The following NUP210L variants were observed in gnomAD, a reference collection of about 807,000 sequenced individuals.
The protein encoded by NUP210L is nucleoporin 210 like, also known as nuclear pore membrane glycoprotein 210-like.
NUP210L carries 74 observed loss-of-function variants against 208.5 expected under a neutral mutation model. That is an observed-to-expected ratio of 0.35 (90% CI 0.29 to 0.43). The LOEUF is 0.43. Ranked by LOEUF, NUP210L falls within the 20% of genes least tolerant of loss-of-function variation. The pLI, the probability that NUP210L is intolerant of heterozygous loss-of-function variation, is 1.00. For synonymous variants in NUP210L, 780 were observed against 816.9 expected, an observed-to-expected ratio of 0.95 and a Z score of 0.77; for missense variants, 1,843 against 2,289.4, an observed-to-expected ratio of 0.81 and a Z score of 3.98.
chr1:153,995,212 A>G (rs953208036), intron 37 of NUP210L, 32 bp from the exon 38 acceptor site: 1 of 1,445,958 alleles, frequency 6.9e-7, no homozygotes, highest in South Asian at 1.2e-5. Flanking sequence ...ACAAGATAAT[A>G]GTTAATAGCA....
intron 13 of NUP210L, 60 bp from the exon 14 acceptor site, chr1:154,100,203 A>G: frequency 5.9e-6 from 9 of 1,536,042 alleles, no homozygotes; most frequent in Non-Finnish European, 7.2e-6. Flanking sequence ...TAATCCCAGC[A>G]CTTTGGGAGG....
exon 11 of NUP210L, chr1:154,118,754 T>C (rs1348473191): frequency 6.3e-7 from 1 of 1,594,602 alleles, no homozygotes; most frequent in Non-Finnish European, 8.6e-7. Context: ...GGAAAATAAA[T>C]CTTCACTTCT....
At position 154,085,412 on chromosome 1, in the gene NUP210L, G is replaced by A. The variant is rs1274503843; in HGVS notation, c.2361+4009C>T. 2.0e-5 allele frequency among the ~76,000 whole-genome samples: 3 copies of A among 151,480 alleles called. No individual in the cohort carries two copies. The East Asian group carries it at 5.8e-4, about 29-fold the overall frequency. Reference sequence around the variant, plus strand: ...TTCCAATTATGATAGCATCAAAAAAGCAAAATATTTAGGAATAAATCTAAT... The same window carrying A: ...TTCCAATTATGATAGCATCAAAAAAACAAAATATTTAGGAATAAATCTAAT... On this transcript the variant is annotated intron_variant, in intron 16 of 39. Transcript: ENST00000368559.
intron 25 of NUP210L, among the ~76,000 whole-genome samples, chr1:154,049,883 C>A (rs1653391444): frequency 6.6e-6 from 1 of 152,154 alleles, no homozygotes; most frequent in Non-Finnish European, 1.5e-5. Flanking sequence ...AACCTGAAGC[C>A]TGCTAAGCGT....
chr1:153,998,221 T>C (rs944010412), intron 37 of NUP210L, among the ~76,000 whole-genome samples: 26 of 152,202 alleles, frequency 1.7e-4, no homozygotes, highest in African/African-American at 5.8e-4. Context: ...ATATTAATAA[T>C]CAGTGAAAGT....
At chr1:154,136,076 A>T (rs1332363115) in intron 6 of NUP210L, 104 bp from the exon 7 acceptor site, 2 of 791,710 alleles carry the variant, frequency 2.5e-6, no homozygotes, top group African/African-American at 1.7e-5. Flanking sequence ...GACATAAAAT[A>T]AGAGTATGAT....
chr1:154,060,552 T>C, exon 20 of NUP210L: 1 of 1,610,846 alleles, frequency 6.2e-7, no homozygotes, highest in Non-Finnish European at 8.5e-7. Flanking sequence ...CAACAGAGCT[T>C]TCTGCTTCCA....
At chr1:154,113,989 A>G (rs1657184371) in intron 12 of NUP210L, among the ~76,000 whole-genome samples, 1 of 151,826 alleles carries the variant, frequency 6.6e-6, no homozygotes, top group South Asian at 2.1e-4. Flanking sequence ...CTAAAAATAC[A>G]AAAATTAGCT....
At chr1:154,042,691 G>A (rs1482693051) in intron 27 of NUP210L, among the ~76,000 whole-genome samples, 1 of 150,932 alleles carries the variant, frequency 6.6e-6, no homozygotes, top group African/African-American at 2.4e-5. Flanking sequence ...GCCTCCCAAA[G>A]TGCTGGGATT....
chr1:154,024,350 T>A (rs2147931808), intron 30 of NUP210L, among the ~76,000 whole-genome samples: 1 of 152,166 alleles, frequency 6.6e-6, no homozygotes, highest in South Asian at 2.1e-4. Context: ...CAGTTAACAG[T>A]TAGATGGGGA....
At chr1:154,011,654 C>CT (rs1235851043) in intron 34 of NUP210L, among the ~76,000 whole-genome samples, 2 of 148,688 alleles carry the variant, frequency 1.3e-5, no homozygotes, top group African/African-American at 4.9e-5. Context: ...TGAGCCACCA[C>CT]TCCAGAGTAC....
At chr1:153,995,138 G>C in exon 38 of NUP210L, 1 of 1,614,068 alleles carries the variant, frequency 6.2e-7, no homozygotes, top group South Asian at 1.1e-5. Flanking sequence ...GATCTGGTAA[G>C]AGCCAGTGAA....
At chr1:154,121,704 T>A (rs1657622382) in intron 10 of NUP210L, among the ~76,000 whole-genome samples, 3 of 151,736 alleles carry the variant, frequency 2.0e-5, no homozygotes, top group African/African-American at 7.3e-5. Context: ...CCGTCTCTAC[T>A]AAAAATACAA....
At chr1:154,024,276 G>A (rs896403072) in intron 30 of NUP210L, among the ~76,000 whole-genome samples, 2 of 152,136 alleles carry the variant, frequency 1.3e-5, no homozygotes, top group Admixed American at 6.6e-5. Context: ...TGAAGCCCGC[G>A]TTTGAATCAT....
chr1:154,070,090 T>C (rs1654631435), intron 17 of NUP210L, among the ~76,000 whole-genome samples, 183 bp downstream of exon 17: 1 of 152,004 alleles, frequency 6.6e-6, no homozygotes. Flanking sequence ...TCAGGAGAAA[T>C]ACCTAATGTA....
At chr1:154,036,405 C>T (rs1652553476) in intron 27 of NUP210L, among the ~76,000 whole-genome samples, 1 of 131,984 alleles carries the variant, frequency 7.6e-6, no homozygotes, top group African/African-American at 2.8e-5. Flanking sequence ...ACTCTTGTTG[C>T]CCAGGCTGGA....
rs374298114 is a variant in NUP210L, at chr1:154,001,030, C to T, written c.5212G>A (p.Ala1738Thr). 1.1e-5 allele frequency: 17 copies of T among 1,613,874 alleles called. No homozygotes were observed. In the African/African-American group the frequency reaches 1.3e-4, roughly 13 times the overall value. Residue 1738 changes from alanine (A) to threonine (T), a missense_variant, in exon 37 of 40, where the codon GCT becomes ACT. By Grantham distance (58) the Ala-to-Thr change is moderately conservative (BLOSUM62 0). Around this residue, in one of 5 missense-constraint regions of NUP210L, gnomAD observed 781 missense variants for 973.8 expected, o/e 0.80. Transcript: ENST00000368559. ...GTGAGGGGAGAGTGGCTATGGCCAG[C>T]GACCACTAGAACTGGGGAGCTGGAG...
chr1:154,029,932 C>G (rs1190512336), exon 28 of NUP210L: 8 of 1,610,200 alleles, frequency 5.0e-6, no homozygotes, highest in Non-Finnish European at 6.8e-6. Flanking sequence ...CCAACAAATT[C>G]CCCTCAAACT....
intron 21 of NUP210L, 109 bp from the exon 22 acceptor site, chr1:154,058,325 G>A: frequency 8.1e-7 from 1 of 1,234,186 alleles, no homozygotes; most frequent in Non-Finnish European, 1.1e-6. Context: ...AAATGATCCT[G>A]GTCAGCCTTC....
Sources: allele counts gnomAD v4.1 joint callset (sites outside exome capture counted in the v4.1 genomes callset), GRCh38; gene constraint gnomAD v4.1.1; regional missense constraint gnomAD v4.1.1; transcripts MANE v1.5; gene names NCBI Gene and HGNC (gene_info 2026-07-23, HGNC 2026-07-21).